The following TENM2 variants were observed in gnomAD, a reference collection of about 807,000 sequenced individuals.
The protein encoded by TENM2 is teneurin transmembrane protein 2, also known as teneurin-2.
Under a neutral mutation model 245.2 loss-of-function variants are expected in TENM2, and 52 were observed. The ratio of observed to expected loss-of-function variants is 0.21; its 90% confidence interval spans 0.17 to 0.27. The LOEUF is 0.27. Ranked by LOEUF, TENM2 falls within the 10% of genes least tolerant of loss-of-function variation. The pLI is 1.00. For synonymous variants in TENM2, 1,363 were observed against 1,438.9 expected (o/e 0.95, Z 1.19); for missense variants, 3,046 against 3,666.8 (o/e 0.83, Z 4.37).
the TENM2 span, among the ~76,000 whole-genome samples, chr5:167,017,128 A>C: frequency 6.6e-6 from 1 of 152,186 alleles, no homozygotes; most frequent in Non-Finnish European, 1.5e-5. Context: ...AGATTTCAGG[A>C]AGAATAAGAT....
At chr5:167,837,951 C>A (rs1249793767) in intron 2 of TENM2, among the ~76,000 whole-genome samples, 9 of 152,200 alleles carry the variant, frequency 5.9e-5, no homozygotes, top group Admixed American at 2.6e-4. Flanking sequence ...GCCCCTTCAT[C>A]CTCCTTTTGG....
At chr5:168,051,531 A>G (rs1318281459) in intron 6 of TENM2, among the ~76,000 whole-genome samples, 8 of 152,180 alleles carry the variant, frequency 5.3e-5, no homozygotes, top group Non-Finnish European at 1.2e-4. Context: ...CTTTTCCTAT[A>G]ACTATCCAAG....
intron 4 of TENM2, among the ~76,000 whole-genome samples, chr5:167,977,058 C>T (rs1782493864): frequency 6.6e-6 from 1 of 152,090 alleles, no homozygotes; most frequent in Admixed American, 6.6e-5. Context: ...AGCAAACTAA[C>T]ACAGGAACAG....
At chr5:167,275,576 G>A in the TENM2 span, among the ~76,000 whole-genome samples, 1 of 151,954 alleles carries the variant, frequency 6.6e-6, no homozygotes, top group East Asian at 1.9e-4. Context: ...TTCTATACAT[G>A]TTTTGATAGC....
chr5:167,648,830 G>C (rs1361661452), intron 2 of TENM2, among the ~76,000 whole-genome samples: 1 of 152,168 alleles, frequency 6.6e-6, no homozygotes, highest in Non-Finnish European at 1.5e-5. Context: ...TGAAGGCTCT[G>C]TTCTCAAAAT....
At chr5:167,029,964 C>T in the TENM2 span, among the ~76,000 whole-genome samples, 1 of 152,250 alleles carries the variant, frequency 6.6e-6, no homozygotes, top group South Asian at 2.1e-4. Flanking sequence ...GGATCTTTAC[C>T]AGGACAAAAT....
intron 4 of TENM2, among the ~76,000 whole-genome samples, chr5:167,967,760 G>T (rs778999840): frequency 2.6e-5 from 4 of 152,176 alleles, no homozygotes; most frequent in Non-Finnish European, 5.9e-5. Context: ...AAGACTCTGG[G>T]GTTAAGTTCA....
intron 5 of TENM2, among the ~76,000 whole-genome samples, chr5:168,038,338 A>AATGATACGG: frequency 6.6e-6 from 1 of 151,714 alleles, no homozygotes; most frequent in East Asian, 1.9e-4. Context: ...TGTGCCGGTT[A>AATGATACGG]CCCCCACCCA....
At chr5:167,350,223 A>G (rs1434363033) in intron 1 of TENM2, among the ~76,000 whole-genome samples, 2 of 152,128 alleles carry the variant, frequency 1.3e-5, no homozygotes, top group Non-Finnish European at 2.9e-5. Context: ...CTTGTTTGAT[A>G]CAAAAATGAG....
the TENM2 span, chr5:167,164,959 A>T: frequency 6.6e-6 from 1 of 152,206 alleles, no homozygotes; most frequent in Non-Finnish European, 1.5e-5. Context: ...ACGATTATGT[A>T]TTTATTTGAA....
At position 168,078,114 on chromosome 5, in the gene TENM2, G is replaced by A. The variant is rs1021776281; in HGVS notation, c.1516-12460G>A. ...GTTGTTTCCTGATTTTTTAATGATC[G>A]CCATTCTAACTGGTATGAGATGGTA... On this transcript the variant is annotated intron_variant, in intron 7 of 28. Transcript: ENST00000518659. Among the ~76,000 whole-genome samples the A allele has an allele frequency of 4.6e-5, 7 of 152,134 alleles. No homozygotes were observed. In the East Asian group the frequency reaches 5.8e-4, roughly 13 times the overall value.
the TENM2 span, among the ~76,000 whole-genome samples, chr5:167,105,744 C>T: frequency 0.016 from 2,399 of 149,278 alleles, 67 homozygotes; most frequent in African/African-American, 0.055. Flanking sequence ...AAAAATTAGC[C>T]GGGCGTAGTG....
intron 25 of TENM2, among the ~76,000 whole-genome samples, chr5:168,235,034 G>C (rs1243235628): frequency 6.6e-6 from 1 of 152,142 alleles, no homozygotes; most frequent in East Asian, 1.9e-4. Context: ...GGAGGTGGGG[G>C]GATGGGCGTG....
intron 13 of TENM2, among the ~76,000 whole-genome samples, chr5:168,166,909 G>A (rs536755681): frequency 1.3e-5 from 2 of 152,022 alleles, no homozygotes; most frequent in South Asian, 4.2e-4. Context: ...CACCCCCTTG[G>A]CTTTCAAAGT....
chr5:167,777,166 G>C (rs1763865337), intron 2 of TENM2, among the ~76,000 whole-genome samples: 1 of 152,218 alleles, frequency 6.6e-6, no homozygotes, highest in Non-Finnish European at 1.5e-5. Context: ...GACAGAGAGT[G>C]TGAGCTAATC....
At chr5:167,822,802 C>T (rs547614690) in intron 2 of TENM2, among the ~76,000 whole-genome samples, 11 of 152,286 alleles carry the variant, frequency 7.2e-5, no homozygotes, top group African/African-American at 2.6e-4. Context: ...TATTAGCAGG[C>T]ATTTAGGCAA....
intron 2 of TENM2, among the ~76,000 whole-genome samples, chr5:167,430,616 G>T (rs1187986442): frequency 6.6e-6 from 1 of 152,180 alleles, no homozygotes; most frequent in African/African-American, 2.4e-5. Flanking sequence ...ATGGGAGGTG[G>T]TGCAGCCTAT....
At chr5:167,791,281 G>A (rs1011689151) in intron 2 of TENM2, among the ~76,000 whole-genome samples, 2 of 151,532 alleles carry the variant, frequency 1.3e-5, no homozygotes, top group Admixed American at 6.6e-5. Context: ...TTATATGTAT[G>A]CAGGTGTGTA....
At chr5:167,401,172 T>C (rs921094246) in intron 2 of TENM2, among the ~76,000 whole-genome samples, 2 of 152,150 alleles carry the variant, frequency 1.3e-5, no homozygotes, top group Non-Finnish European at 2.9e-5. Context: ...CTACGTCCTG[T>C]ACATATGTAG....
Sources: gnomAD v4.1 joint callset for allele counts (sites outside exome capture counted in the v4.1 genomes callset) on GRCh38, gnomAD v4.1.1 for gene constraint, MANE v1.5 for transcripts, NCBI Gene and HGNC (gene_info 2026-07-23, HGNC 2026-07-21) for gene names.